Variants in POU2F2 observed in about 807,000 individuals in gnomAD.
The protein encoded by POU2F2 is POU class 2 homeobox 2.
Under a neutral mutation model 63.5 loss-of-function variants are expected in POU2F2, and 14 were observed. The observed-to-expected ratio is 0.22, with a 90% CI of 0.15 to 0.34. POU2F2 has a LOEUF of 0.34. Ranked by LOEUF, POU2F2 falls within the 10% of genes least tolerant of loss-of-function variation. POU2F2 has a pLI of 1.00. For synonymous variants in POU2F2, 306 were observed against 348.6 expected (o/e 0.88, Z 1.36); for missense variants, 607 against 815.2 (o/e 0.74, Z 3.11).
intron 2 of POU2F2, among the ~76,000 whole-genome samples, chr19:42,149,714 G>A (rs1420675301): frequency 6.6e-6 from 1 of 152,056 alleles, no homozygotes; most frequent in Non-Finnish European, 1.5e-5. Flanking sequence ...GAAAGAGGGA[G>A]GGAGGGGGAA....
chr19:42,116,864 AGGAGGAGGC>A (rs781059808), intron 5 of POU2F2: 3 of 438,702 alleles, frequency 6.8e-6, no homozygotes, highest in South Asian at 3.3e-5. Context: ...GAGGAAGTAG[AGGAGGAGGC>A]GGAGGCGGCG....
chr19:42,140,316 T>C (rs2034101684), intron 2 of POU2F2, among the ~76,000 whole-genome samples: 1 of 152,154 alleles, frequency 6.6e-6, no homozygotes, highest in Admixed American at 6.5e-5. Flanking sequence ...AGGCCGCCGC[T>C]GTCATCCCAG....
At chr19:42,137,175 T>C (rs2034032029), upstream of POU2F2, 1 of 152,086 alleles carries the variant, frequency 6.6e-6, no homozygotes, top group Non-Finnish European at 1.5e-5. Flanking sequence ...AGAAATAATT[T>C]TTAAAAGTTA....
chr19:42,130,021 G>T (rs537310166), intron 1 of POU2F2, among the ~76,000 whole-genome samples: 2 of 152,226 alleles, frequency 1.3e-5, no homozygotes, highest in South Asian at 2.1e-4. Context: ...GATGCCACGG[G>T]CATATATGCA....
At chr19:42,182,582 C>T (rs935975972) in intron 1 of POU2F2, among the ~76,000 whole-genome samples, 33 of 152,078 alleles carry the variant, frequency 2.2e-4, no homozygotes, top group Admixed American at 1.4e-3. Flanking sequence ...TTAGAGGTTG[C>T]CCCAGTGGCC....
intron 2 of POU2F2, among the ~76,000 whole-genome samples, chr19:42,150,595 G>A (rs992688324): frequency 8.4e-5 from 12 of 142,912 alleles, no homozygotes; most frequent in South Asian, 2.5e-4. Flanking sequence ...CGCAGAGGCC[G>A]GCGGCCGGCC....
chr19:42,188,287 G>A (rs1003958247), intron 1 of POU2F2, among the ~76,000 whole-genome samples: 4 of 151,342 alleles, frequency 2.6e-5, no homozygotes, highest in African/African-American at 7.3e-5. Context: ...GATCACCTAA[G>A]TCTGGGAGGC....
intron 1 of POU2F2, among the ~76,000 whole-genome samples, chr19:42,130,200 G>A (rs180889879): frequency 6.6e-6 from 1 of 152,030 alleles, no homozygotes; most frequent in South Asian, 2.1e-4. Flanking sequence ...CACAGACTCA[G>A]ACATGTGTAC....
upstream of POU2F2, among the ~76,000 whole-genome samples, chr19:42,179,458 A>C (rs1397026320): frequency 6.7e-6 from 1 of 150,022 alleles, no homozygotes; most frequent in Non-Finnish European, 1.5e-5. Context: ...TGGTGCAAAG[A>C]GGAGGATAGG....
intron 5 of POU2F2, among the ~76,000 whole-genome samples, chr19:42,114,255 C>T (rs1189900732): frequency 2.0e-5 from 3 of 152,064 alleles, no homozygotes; most frequent in Non-Finnish European, 4.4e-5. Flanking sequence ...GCTGGGTCTG[C>T]GCTAGGCTGC....
intron 2 of POU2F2, among the ~76,000 whole-genome samples, chr19:42,159,469 G>T (rs1251497052): frequency 6.6e-6 from 1 of 152,148 alleles, no homozygotes; most frequent in Non-Finnish European, 1.5e-5. Flanking sequence ...GGGGTCCTGA[G>T]ACCTGTGGGT....
chr19:42,186,459 G>A (rs2035014245), intron 1 of POU2F2, among the ~76,000 whole-genome samples: 1 of 152,042 alleles, frequency 6.6e-6, no homozygotes, highest in South Asian at 2.1e-4. Flanking sequence ...TGTGCAGGGA[G>A]GCAGTTGGGA....
chr19:42,117,921 CT>C lies in POU2F2; in HGVS notation c.187-490del, dbSNP rs141747649. ...ATCACACAGAGGTACATCTCTCTTG[CT>C]TTTTTTTTCTTTTTGTTTTTGAGAC... On this transcript the variant is annotated intron_variant, in intron 4 of 14. Transcript: ENST00000692977. The surrounding 1 kb of genome is among the most constrained non-coding windows in gnomAD (Gnocchi z 4.4). 1.3e-5 allele frequency among the ~76,000 whole-genome samples: 2 copies of C among 151,086 alleles called. No individual in the cohort carries two copies. The highest frequency in any genetic ancestry group is 3.0e-5 in the Non-Finnish European group (2 of 67,694).
intron 2 of POU2F2, among the ~76,000 whole-genome samples, chr19:42,141,618 A>T (rs981797453): frequency 6.0e-5 from 9 of 150,892 alleles, no homozygotes; most frequent in Admixed American, 2.0e-4. Context: ...AGTAGCTGGG[A>T]TTACAGGCAT....
At chr19:42,160,674 T>G (rs1374898590) in intron 1 of POU2F2, among the ~76,000 whole-genome samples, 1 of 152,218 alleles carries the variant, frequency 6.6e-6, no homozygotes, top group African/African-American at 2.4e-5. Context: ...GGAAGCTTCT[T>G]AAAGTGCAGG....
rs1341973303 is a variant in POU2F2, at chr19:42,091,152, G to T, written c.*105C>A. On this transcript the variant is annotated 3_prime_UTR_variant, in exon 15 of 15. Transcript: ENST00000692977. ...TGGTCTTTCCTCCCTTGTCACTCCT[G>T]CTCTGAGGACCCTCTGCGTCCCCAC... 1.9e-6 allele frequency: 2 copies of T among 1,032,624 alleles called. No homozygotes were observed. The highest frequency in any genetic ancestry group is 1.9e-5 in the African/African-American group (1 of 53,166). 64.0% of individuals were successfully genotyped at this position (1,032,624 alleles called of 1,614,324 possible). A position where few individuals can be genotyped will look rare whatever the true frequency, so the allele number is the denominator to read the frequency against.
intron 1 of POU2F2, among the ~76,000 whole-genome samples, chr19:42,165,922 C>T (rs2034640923): frequency 6.6e-6 from 1 of 152,230 alleles, no homozygotes; most frequent in African/African-American, 2.4e-5. Context: ...AATGAAGACA[C>T]TCAGCTAAAT....
Position 42,142,423 on chromosome 19 carries a change from C to T in POU2F2, c.-9+17909G>A, listed in dbSNP as rs188100925. The stretch of plus-strand genomic sequence containing the variant: ...GCCAAGATAGTCTTAATCTCCTGAC[C>T]TTGTGATCCTCCTGCCTGGGCCTCC... On this transcript the variant is annotated intron_variant, in intron 2 of 6. Coordinates refer to the POU2F2 transcript ENST00000524801. Among the ~76,000 whole-genome samples, 283 of 152,220 alleles carry T rather than the reference C, an allele frequency of 1.9e-3. 5 individuals are homozygous for T. Among genetic ancestry groups the T allele is most frequent in the African/African-American group, 6.3e-3 (263 of 41,514 alleles).
chr19:42,165,691 GATA>G (rs1184088351), intron 1 of POU2F2, among the ~76,000 whole-genome samples: 1 of 152,192 alleles, frequency 6.6e-6, no homozygotes, highest in Non-Finnish European at 1.5e-5. Context: ...ATAGCATGAA[GATA>G]ATAATAACAG....
Sources: gnomAD v4.1 joint callset for allele counts (sites outside exome capture counted in the v4.1 genomes callset) on GRCh38, gnomAD v4.1.1 for gene constraint, Gnocchi (gnomAD v3.1) non-coding constraint, MANE v1.5 for transcripts, NCBI Gene and HGNC (gene_info 2026-07-23, HGNC 2026-07-21) for gene names.